The following SOS2 variants were observed in gnomAD, a reference collection of about 807,000 sequenced individuals.
SOS2 encodes son of sevenless homolog 2.
A neutral mutation model predicts 148.2 loss-of-function variants in SOS2; 65 were observed. The ratio of observed to expected loss-of-function variants is 0.44; its 90% CI spans 0.36 to 0.54. SOS2 has a LOEUF of 0.54. SOS2 is among the 20% of genes least tolerant of loss of function. SOS2 has a pLI of 0.00. For missense variants in SOS2, 1,341 were observed against 1,590.2 expected, an observed-to-expected ratio of 0.84 and a Z score of 2.67; for synonymous variants, 539 against 537.1, an observed-to-expected ratio of 1.00 and a Z score of -0.05.
At chr14:50,166,261 C>T (rs1885158620) in intron 8 of SOS2, among the ~76,000 whole-genome samples, 1 of 152,118 alleles carries the variant, frequency 6.6e-6, no homozygotes, top group African/African-American at 2.4e-5. Context: ...CTCACTTTGT[C>T]AACTAGGCTG....
intron 9 of SOS2, among the ~76,000 whole-genome samples, chr14:50,160,781 C>A (rs1469807008): frequency 3.3e-5 from 5 of 152,098 alleles, no homozygotes; most frequent in Admixed American, 1.3e-4. Flanking sequence ...AGGCAGATCA[C>A]CTGAGCCCAG....
At chr14:50,179,667 A>G (rs1156670865) in intron 7 of SOS2, among the ~76,000 whole-genome samples, 3 of 152,178 alleles carry the variant, frequency 2.0e-5, no homozygotes, top group Admixed American at 2.0e-4. Flanking sequence ...GTCTGGCTGG[A>G]AAAGTCAGTT....
chr14:50,169,086 C>A (rs995295506), intron 8 of SOS2, among the ~76,000 whole-genome samples: 2 of 151,250 alleles, frequency 1.3e-5, no homozygotes, highest in Admixed American at 1.3e-4. Context: ...CCAAGGCAGG[C>A]GGATCATTTG....
chr14:50,159,684 G>T lies in SOS2; in HGVS notation c.1599C>A (p.Asn533Lys), dbSNP rs1484591662. 3.7e-6 allele frequency: 6 copies of T among 1,613,872 alleles called. No homozygotes were observed. Among genetic ancestry groups the T allele is most frequent in the Middle Eastern group, 1.7e-4 (1 of 6,060 alleles). Residue 533 changes from asparagine to lysine, a missense_variant, in exon 10 of 23, where the codon AAC becomes AAA. This residue lies in a region of SOS2 where 574 missense variants were observed against 711.1 expected (regional missense o/e 0.81). Transcript: ENST00000216373. ...GAGAAATAAGGGCTGCCATCCAGTT[G>T]TTTTTTTCTTCAGCAGACTTAGCAG... is the stretch of plus-strand genomic sequence containing the variant. ...IFAAKSAEEK[N>K]NWMAALISLH...
chr14:50,180,607 A>G lies in SOS2; in HGVS notation c.934T>C (p.Leu312=), dbSNP rs779352273. ...AGAGCAACTGCAGGTCTGGCCATCA[A>G]TTTATTGAAATGTTCATGAAACTCT... ...SPEFHEHFNK[L]MARPAVALHF... is the part of the protein sequence containing the mutation. Residue 312 remains leucine (L), a synonymous_variant, in exon 7 of 23, where the codon TTG becomes CTG. Transcript: ENST00000216373. The G allele has an allele frequency of 1.3e-6, 2 of 1,598,288 alleles. No homozygotes were observed. Among genetic ancestry groups the G allele is most frequent in the African/African-American group, 1.3e-5 (1 of 74,370 alleles).
At chr14:50,177,737 T>C (rs1388082133) in intron 7 of SOS2, among the ~76,000 whole-genome samples, 1 of 152,152 alleles carries the variant, frequency 6.6e-6, no homozygotes, top group East Asian at 1.9e-4. Flanking sequence ...AACAAATTTT[T>C]GACAATAGAG....
chr14:50,208,132 C>A (rs1886732098), intron 1 of SOS2, among the ~76,000 whole-genome samples: 1 of 151,846 alleles, frequency 6.6e-6, no homozygotes, highest in South Asian at 2.1e-4. Flanking sequence ...CCCATCTCTA[C>A]TAAAAATACA....
At position 50,130,735 on chromosome 14, in the gene SOS2, AT is replaced by A; in HGVS notation, c.3102del (p.Lys1034AsnfsTer5). The A allele has an allele frequency of 1.2e-6, 2 of 1,604,148 alleles. No homozygotes were observed. Among genetic ancestry groups the A allele is most frequent in the Non-Finnish European group, 1.7e-6 (2 of 1,176,144 alleles). ...CCTGTGTTAGGCCTTATTCCAGGAGATTTTAAGGAAAAAGTTGATTTCCTAG... is the reference window on the plus strand; with the variant it reads ...CCTGTGTTAGGCCTTATTCCAGGAGATTTAAGGAAAAAGTTGATTTCCTAG... ...RFPRKSTFSLKSPGIRPNTGR... is the reference protein window; with the variant it reads ...RFPRKSTFSLXSPGIRPNTGR... On this transcript the variant is annotated frameshift_variant, in exon 20 of 23. Transcript: ENST00000216373. LOFTEE classifies it high-confidence loss of function.
rs1187043021 is a variant in SOS2 at position 50,153,079 on chromosome 14, T to C, written c.2152A>G (p.Ser718Gly). The C allele has an allele frequency of 1.3e-6, 2 of 1,544,868 alleles. No homozygotes were observed. The highest frequency in any genetic ancestry group is 1.4e-5 in the African/African-American group (1 of 73,460). ...LLERLESFIS[S>G]VRGKAMKKWV... The stretch of plus-strand genomic sequence containing the variant: ...CCTTTATATAATATACCTCTTACAC[T>C]TGAAATGAAGGATTCTAGTCTTTCA... Residue 718 changes from serine to glycine, a missense_variant, in exon 13 of 23, where the codon AGT becomes GGT. Transcript: ENST00000216373.
chr14:50,133,760 A>G (rs1217532512), intron 19 of SOS2, among the ~76,000 whole-genome samples: 2 of 152,192 alleles, frequency 1.3e-5, no homozygotes, highest in East Asian at 3.8e-4. Flanking sequence ...TGGAGCCCTA[A>G]TGGCAGAAGT....
At chr14:50,170,943 T>C (rs1260912094) in intron 8 of SOS2, among the ~76,000 whole-genome samples, 1 of 151,272 alleles carries the variant, frequency 6.6e-6, no homozygotes, top group Non-Finnish European at 1.5e-5. Flanking sequence ...TGAAACCCTG[T>C]CTCTACTAAA....
chr14:50,210,626 T>C (rs1346285695), intron 1 of SOS2, among the ~76,000 whole-genome samples: 1 of 151,988 alleles, frequency 6.6e-6, no homozygotes, highest in Non-Finnish European at 1.5e-5. Context: ...AGAAGATATA[T>C]GTAGTACATG....
Position 50,145,517 on chromosome 14 carries a change from T to C in SOS2, c.2464A>G (p.Met822Val). The C allele has an allele frequency of 6.2e-7, 1 of 1,608,910 alleles. No homozygotes were observed. Among genetic ancestry groups the C allele is most frequent in the East Asian group, 2.2e-5 (1 of 44,800 alleles). ...GTGAGATTTGTGGTATGGCGAATCA[T>C]TTTTAATAAATTTGGAGAATTTATT... ...KEINSPNLLK[M>V]IRHTTNLTLW... is the part of the protein sequence containing the mutation. The change falls in exon 15 of 23, where the codon ATG (methionine) becomes GTG (valine). Residue 822 changes from methionine to valine, a missense_variant. Met to Val is a conservative substitution (Grantham distance 21, BLOSUM62 1). Around this residue, in one of 4 missense-constraint regions of SOS2, gnomAD observed 408 missense variants for 506.6 expected, o/e 0.81. Transcript: ENST00000216373.
At chr14:50,223,770 T>C (rs898144360) in intron 1 of SOS2, among the ~76,000 whole-genome samples, 1 of 152,042 alleles carries the variant, frequency 6.6e-6, no homozygotes, top group Admixed American at 6.6e-5. Flanking sequence ...GGGAGGATCA[T>C]TGAGCCCAGG....
At chr14:50,160,379 CTTTTTTTTTTTTTTTTT>C (rs200021758) in intron 9 of SOS2, among the ~76,000 whole-genome samples, 9 of 78,852 alleles carry the variant, frequency 1.1e-4, no homozygotes, top group African/African-American at 2.5e-4. Context: ...CAATGCTAAT[CTTTTTTTTTTTTTTTTT>C]TTTTTTTTTT....
Position 50,135,071 on chromosome 14 carries a change from CA to C in SOS2, c.2959-833del, listed in dbSNP as rs746540364. The stretch of plus-strand genomic sequence containing the variant: ...CTGGGCAACAAGAGCGAGACTGTCT[CA>C]AAAAAAAAAAAAAAAAAAAAGAAAG... On this transcript the variant is annotated intron_variant, in intron 18 of 22. Coordinates refer to ENST00000216373, the MANE Select transcript of SOS2 (RefSeq NM_006939.4). 3.6e-3 allele frequency among the ~76,000 whole-genome samples: 205 copies of C among 57,512 alleles called. 2 individuals carry two copies. The highest frequency in any genetic ancestry group is 0.03 in the Middle Eastern group (3 of 100). The allele number at this position is 57,512 out of a possible 152,430, so 37.7% of individuals were successfully genotyped here.
At chr14:50,152,054 G>A (rs1884677103) in intron 13 of SOS2, among the ~76,000 whole-genome samples, 1 of 152,052 alleles carries the variant, frequency 6.6e-6, no homozygotes, top group Non-Finnish European at 1.5e-5. Context: ...GTAGTATTAT[G>A]ACAATTTCAA....
intron 20 of SOS2, 121 bp downstream of exon 20, chr14:50,130,380 G>C (rs1883828795): frequency 1.3e-6 from 1 of 770,100 alleles, no homozygotes; most frequent in South Asian, 1.9e-5. Flanking sequence ...TTCACATTTA[G>C]ATATCACTTT....
At chr14:50,203,542 G>T (rs1886565739) in intron 2 of SOS2, among the ~76,000 whole-genome samples, 1 of 151,820 alleles carries the variant, frequency 6.6e-6, no homozygotes. Flanking sequence ...ATACTCCCAT[G>T]TAACCAAGGC....
Sources: gnomAD v4.1 joint callset for allele counts (sites outside exome capture counted in the v4.1 genomes callset) on GRCh38, gnomAD v4.1.1 for gene constraint, gnomAD v4.1.1 regional missense constraint, MANE v1.5 for transcripts, NCBI Gene and HGNC (gene_info 2026-07-23, HGNC 2026-07-21) for gene names.